TGFB3: variants seen among roughly 807,000 people sequenced by gnomAD.
TGFB3 encodes transforming growth factor beta-3 proprotein.
A neutral mutation model predicts 40.1 loss-of-function variants in TGFB3; 5 were observed. The observed-to-expected ratio is 0.12, with a 90% confidence interval of 0.07 to 0.26. The LOEUF (loss-of-function observed/expected upper bound fraction) is 0.26, where lower values mean the gene tolerates loss of function less well. Ranked by LOEUF, TGFB3 falls within the 10% of genes least tolerant of loss-of-function variation. The probability of loss-of-function intolerance (pLI) is 1.00; values close to 1 mark genes in which losing one functional copy is unlikely to be tolerated. For synonymous variants in TGFB3, 184 were observed against 205.6 expected, an observed-to-expected ratio of 0.89 and a Z score of 0.90; for missense variants, 373 against 530.1, an observed-to-expected ratio of 0.70 and a Z score of 2.91.
At chr14:75,972,623 C>T (rs1164479323) in intron 1 of TGFB3, among the ~76,000 whole-genome samples, 1 of 152,084 alleles carries the variant, frequency 6.6e-6, no homozygotes, top group African/African-American at 2.4e-5. Flanking sequence ...CATGGAGTGA[C>T]TGCTGGAAGC....
intron 6 of TGFB3, chr14:75,960,473 C>CT: frequency 5.2e-6 from 1 of 193,176 alleles, no homozygotes; most frequent in African/African-American, 2.4e-5. Context: ...GTTGTGGACT[C>CT]TCGGCTATCT....
intron 5 of TGFB3, 189 bp downstream of exon 5, chr14:75,963,127 A>G: frequency 1.4e-6 from 1 of 702,874 alleles, no homozygotes; most frequent in Admixed American, 2.2e-5. Context: ...AAACAGTGGG[A>G]CTCCCAGGAA....
At chr14:75,963,519 G>C in intron 4 of TGFB3, 32 bp from the exon 5 acceptor site, 4 of 1,613,640 alleles carry the variant, frequency 2.5e-6, no homozygotes, top group Non-Finnish European at 3.4e-6. Flanking sequence ...ACAATCTCCT[G>C]TCTGAAGAGA....
At chr14:75,965,732 C>G (rs1309336259) in intron 3 of TGFB3, 37 bp from the exon 4 acceptor site, 7 of 1,555,660 alleles carry the variant, frequency 4.5e-6, no homozygotes, top group Non-Finnish European at 6.2e-6. Context: ...AAAAGCACCT[C>G]TGTGTGATGG....
chr14:75,963,444 G>A lies in TGFB3; in HGVS notation c.798C>T (p.Arg266=), dbSNP rs772654040. 2.2e-5 allele frequency: 36 copies of A among 1,613,106 alleles called. No individual in the cohort carries two copies. The Admixed American group carries it at 5.8e-4, about 26-fold the overall frequency. Residue 266 remains arginine, a synonymous_variant, in exon 5 of 7, where the codon CGC becomes CGT. Transcript: ENST00000238682. The part of the protein sequence containing the change: ...EDDHGRGDLG[R]LKKQKDHHNP... ...TGTGGTGATCCTTCTGCTTCTTGAG[G>A]CGCCCCAGATCTCCACGGCCATGGT...
In TGFB3 at chr14:75,979,706, C is replaced by G. The variant is rs931841252; in HGVS notation, c.352+836G>C. Among the ~76,000 whole-genome samples, 21 of 150,830 alleles carry G rather than the reference C, an allele frequency of 1.4e-4. No homozygotes were observed. The highest frequency in any genetic ancestry group is 1.4e-3 in the East Asian group (7 of 5,132). On this transcript the variant is annotated intron_variant, in intron 1 of 6. Coordinates refer to ENST00000238682, the MANE Select transcript of TGFB3 (RefSeq NM_003239.5). The surrounding 1 kb of genome is among the most constrained non-coding windows in gnomAD (Gnocchi z 4.8). ...AGGCTCCCAGACATATCCCCCCCCC[C>G]CACCATGCACCCACTGCCACCCCTC... is the stretch of plus-strand genomic sequence containing the variant.
In TGFB3 at chr14:75,971,038, C is replaced by G; in HGVS notation, c.646+88G>C. On this transcript the variant is annotated intron_variant, in intron 3 of 6. Transcript: ENST00000238682. The surrounding 1 kb of genome is among the most constrained non-coding windows in gnomAD (Gnocchi z 4.5). ...GGGTTTGAACCCAGATCTCTGACTC[C>G]CTTAATTCTGTCCTCTTCCCTCCAT... The G allele has an allele frequency of 6.3e-7, 1 of 1,586,166 alleles. No homozygotes were observed. The highest frequency in any genetic ancestry group is 1.7e-5 in the Admixed American group (1 of 59,854).
chr14:75,982,118 G>T (rs2035443217), upstream of TGFB3, among the ~76,000 whole-genome samples: 1 of 152,232 alleles, frequency 6.6e-6, no homozygotes, highest in South Asian at 2.1e-4. This position sits in a 1 kb window ranked among gnomAD's most constrained non-coding sequence, Gnocchi z 4.0. Flanking sequence ...GTTTTAAACA[G>T]GCACAGGAAA....
chr14:75,961,076 G>T lies in TGFB3; in HGVS notation c.927C>A (p.Arg309=). The T allele has an allele frequency of 6.2e-7, 1 of 1,614,154 alleles. No individual in the cohort carries two copies. Among genetic ancestry groups the T allele is most frequent in the Non-Finnish European group, 8.5e-7 (1 of 1,180,026 alleles). Residue 309 remains arginine (R), a splice_region_variant and synonymous_variant, in exon 6 of 7, where the codon CGC becomes CGA. Coordinates refer to ENST00000238682, the MANE Select transcript of TGFB3 (RefSeq NM_003239.5). ...GCACACAGCAGTTCTCCTCCAAGTT[G>T]CTACAACAAAAAACATTTATAGAAA... ...KRALDTNYCF[R]NLEENCCVRP... is the part of the protein sequence containing the mutation.
chr14:75,974,223 G>A (rs947412851), intron 1 of TGFB3, among the ~76,000 whole-genome samples: 2 of 152,116 alleles, frequency 1.3e-5, no homozygotes, highest in African/African-American at 4.8e-5. Flanking sequence ...CCAGGAGATG[G>A]GGAAAGTTAT....
Position 75,979,645 on chromosome 14 carries a change from C to T in TGFB3, c.352+897G>A, listed in dbSNP as rs930674659. 5.3e-5 allele frequency among the ~76,000 whole-genome samples: 8 copies of T among 152,084 alleles called. No homozygotes were observed. The highest frequency in any genetic ancestry group is 3.9e-4 in the East Asian group (2 of 5,174). ...ACAGACATCTCGCCCAGAAGCCGCC[C>T]GGCTCCTCCATGCAGACAGAGCCTC... On this transcript the variant is annotated intron_variant, in intron 1 of 6. Coordinates refer to ENST00000238682, the MANE Select transcript of TGFB3 (RefSeq NM_003239.5). This position sits in a 1 kb window ranked among gnomAD's most constrained non-coding sequence, Gnocchi z 4.8.
Position 75,980,412 on chromosome 14 carries a change from T to G in TGFB3, c.352+130A>C. On this transcript the variant is annotated intron_variant, in intron 1 of 6. Transcript: ENST00000238682. This position sits in a 1 kb window ranked among gnomAD's most constrained non-coding sequence, Gnocchi z 4.3. ...AGCCCCAACGGAGGAGCATCGCACA[T>G]CCTGAGCCTTGGTGCTGGTGAATCC... 1.0e-6 allele frequency: 1 copy of G among 962,722 alleles called. No homozygotes were observed. Among genetic ancestry groups the G allele is most frequent in the South Asian group, 1.3e-5 (1 of 75,864 alleles). The allele number at this position is 962,722 out of a possible 1,614,324, so 59.6% of individuals were successfully genotyped here.
Position 75,981,290 on chromosome 14 carries a change from C to A in TGFB3, c.-397G>T. 4.1e-6 allele frequency: 1 copy of A among 246,880 alleles called. No homozygotes were observed. Among genetic ancestry groups the A allele is most frequent in the Non-Finnish European group, 8.0e-6 (1 of 124,864 alleles). 15.3% of individuals were successfully genotyped at this position (246,880 alleles called of 1,614,324 possible). On this transcript the variant is annotated 5_prime_UTR_variant, in exon 1 of 7. Coordinates refer to ENST00000238682, the MANE Select transcript of TGFB3 (RefSeq NM_003239.5). This position sits in a 1 kb window ranked among gnomAD's most constrained non-coding sequence, Gnocchi z 4.7. ...AGAGTGGATATCTGATATTGCCAAA[C>A]GCCGCTTGGCGATGGGGAGAAAGTG...
chr14:75,962,919 T>C (rs1011003606), intron 5 of TGFB3: 10 of 329,566 alleles, frequency 3.0e-5, no homozygotes, highest in Admixed American at 1.7e-4. Context: ...GGACCCTTCA[T>C]AGGGAACTAA....
chr14:75,965,711 G>T lies in TGFB3; in HGVS notation c.647-16C>A. The T allele has an allele frequency of 6.2e-7, 1 of 1,601,056 alleles. No homozygotes were observed. The highest frequency in any genetic ancestry group is 1.1e-5 in the South Asian group (1 of 90,812). On this transcript the variant is annotated splice_polypyrimidine_tract_variant and intron_variant, in intron 3 of 6. Transcript: ENST00000238682. ...AAGTTGGACTCTGCAAAATAAGACA[G>T]AATTAGTGAGAAAAGCACCTCTGTG... is the stretch of plus-strand genomic sequence containing the variant.
chr14:75,959,004 GA>G lies in TGFB3; in HGVS notation c.*182del. 1 of 734,884 alleles carries G rather than the reference GA, an allele frequency of 1.4e-6. No individual in the cohort carries two copies. Among genetic ancestry groups the G allele is most frequent in the Non-Finnish European group, 2.3e-6 (1 of 426,744 alleles). 45.5% of individuals were successfully genotyped at this position (734,884 alleles called of 1,614,324 possible). A position where few individuals can be genotyped will look rare whatever the true frequency, so the allele number is the denominator to read the frequency against. On this transcript the variant is annotated 3_prime_UTR_variant, in exon 7 of 7. Transcript: ENST00000238682. Reference sequence around the variant, plus strand: ...AAACCCACACTTTCTTTACCACCGTGATTCTCAGAGCCAGCAAGAAAGAAAT... The same window carrying G: ...AAACCCACACTTTCTTTACCACCGTGTTCTCAGAGCCAGCAAGAAAGAAAT...
In TGFB3 at chr14:75,959,274, C is replaced by T. The variant is rs1369618695; in HGVS notation, c.1152G>A (p.Glu384=). 1.9e-6 allele frequency: 3 copies of T among 1,614,202 alleles called. No homozygotes were observed. The South Asian group carries it at 3.3e-5, about 18-fold the overall frequency. The part of the protein sequence containing the change: ...ASPCCVPQDL[E]PLTILYYVGR... The stretch of plus-strand genomic sequence containing the variant: ...CAACATAGTACAGGATGGTCAGGGG[C>T]TCCAGGTCCTGGGGCACGCAGCAAG... Residue 384 remains glutamate, a synonymous_variant, in exon 7 of 7, where the codon GAG becomes GAA. Transcript: ENST00000238682.
rs775494155 is a variant in TGFB3, at chr14:75,959,186, C to T, written c.*1G>A. The T allele has an allele frequency of 6.2e-7, 1 of 1,614,144 alleles. No homozygotes were observed. The highest frequency in any genetic ancestry group is 8.5e-7 in the Non-Finnish European group (1 of 1,180,026). On this transcript the variant is annotated 3_prime_UTR_variant, in exon 7 of 7. Transcript: ENST00000238682. ...CCCCTCTCTCTGTCGCACGTGGGGT[C>T]TCAGCTACATTTACAAGACTTCACC...
Position 75,971,256 on chromosome 14 carries a change from C to T in TGFB3, c.517-1G>A. 1 of 1,614,116 alleles carries T rather than the reference C, an allele frequency of 6.2e-7. No homozygotes were observed. The highest frequency in any genetic ancestry group is 8.5e-7 in the Non-Finnish European group (1 of 1,180,020). ...CAATGTGCTCATCTGGCCGAAGGATCTACAGGGCAGAGAAAGGAGTGAGTA... is the reference window on the plus strand; with the variant it reads ...CAATGTGCTCATCTGGCCGAAGGATTTACAGGGCAGAGAAAGGAGTGAGTA... On this transcript the variant is annotated splice_acceptor_variant, in intron 2 of 6. Transcript: ENST00000238682. LOFTEE classifies it high-confidence loss of function. This position sits in a 1 kb window ranked among gnomAD's most constrained non-coding sequence, Gnocchi z 4.5.
Sources: allele counts gnomAD v4.1 joint callset (sites outside exome capture counted in the v4.1 genomes callset), GRCh38; gene constraint gnomAD v4.1.1; non-coding constraint Gnocchi (gnomAD v3.1); transcripts MANE v1.5; gene names NCBI Gene and HGNC (gene_info 2026-07-23, HGNC 2026-07-21).